Variants in HCN1 observed in about 807,000 individuals in gnomAD.
HCN1 encodes hyperpolarization activated cyclic nucleotide gated potassium channel 1.
In HCN1, 13 loss-of-function variants were observed where a neutral mutation model predicts 78.9. The ratio of observed to expected loss-of-function variants is 0.16; its 90% confidence interval spans 0.11 to 0.26. The LOEUF (loss-of-function observed/expected upper bound fraction) is 0.26. Ranked by LOEUF, HCN1 falls within the 10% of genes least tolerant of loss-of-function variation. The probability of loss-of-function intolerance (pLI) is 1.00; values close to 1 mark genes in which losing one functional copy is unlikely to be tolerated. For missense variants in HCN1, 810 were observed against 1,154.3 expected, an observed-to-expected ratio of 0.70 and a Z score of 4.32; for synonymous variants, 552 against 455.5, an observed-to-expected ratio of 1.21 and a Z score of -2.70.
At chr5:45,643,269 T>A (rs1372249546) in intron 2 of HCN1, 2 of 152,102 alleles carry the variant, frequency 1.3e-5, no homozygotes, top group African/African-American at 2.4e-5. Flanking sequence ...CATCTGTTCA[T>A]CCTGCTGCCA....
At chr5:45,304,601 G>A (rs1205213469) in intron 5 of HCN1, among the ~76,000 whole-genome samples, 1 of 152,046 alleles carries the variant, frequency 6.6e-6, no homozygotes, top group Non-Finnish European at 1.5e-5. Context: ...CTTGAACCCA[G>A]GAGGCGGAGA....
At chr5:45,534,896 A>T (rs1742936452) in intron 2 of HCN1, among the ~76,000 whole-genome samples, 1 of 152,212 alleles carries the variant, frequency 6.6e-6, no homozygotes. Flanking sequence ...TAAAATTAAA[A>T]ATGTGAAAAA....
intron 3 of HCN1, among the ~76,000 whole-genome samples, chr5:45,405,332 T>C (rs1362994751): frequency 6.6e-6 from 1 of 152,172 alleles, no homozygotes; most frequent in African/African-American, 2.4e-5. Context: ...TTATTATCTG[T>C]AAACAGTTGG....
At chr5:45,682,214 A>G (rs1229061873) in intron 1 of HCN1, among the ~76,000 whole-genome samples, 1 of 149,364 alleles carries the variant, frequency 6.7e-6, no homozygotes, top group Non-Finnish European at 1.5e-5. Flanking sequence ...AGTCTATGGT[A>G]TTTTCTTATA....
chr5:45,383,200 A>G (rs1230279689), intron 4 of HCN1, among the ~76,000 whole-genome samples: 2 of 152,148 alleles, frequency 1.3e-5, no homozygotes, highest in Non-Finnish European at 2.9e-5. Flanking sequence ...TACTATACCA[A>G]TTGATTAAAG....
chr5:45,294,255 A>T (rs1223998482), intron 6 of HCN1, among the ~76,000 whole-genome samples: 1 of 152,028 alleles, frequency 6.6e-6, no homozygotes, highest in Non-Finnish European at 1.5e-5. Context: ...GTGTCTCTAA[A>T]TTTAAAAATG....
chr5:45,556,302 C>A (rs1743468302), intron 2 of HCN1, among the ~76,000 whole-genome samples: 1 of 151,844 alleles, frequency 6.6e-6, no homozygotes. Context: ...CTATCCTTCA[C>A]CTGTTTATTA....
intron 3 of HCN1, among the ~76,000 whole-genome samples, chr5:45,450,823 G>A (rs1740901038): frequency 6.6e-6 from 1 of 152,110 alleles, no homozygotes; most frequent in Admixed American, 6.5e-5. Context: ...TTATGATAAA[G>A]GTTATAAGTT....
At chr5:45,394,149 T>A (rs1279158696) in intron 4 of HCN1, among the ~76,000 whole-genome samples, 1 of 152,118 alleles carries the variant, frequency 6.6e-6, no homozygotes, top group Non-Finnish European at 1.5e-5. Context: ...GAGACATGGA[T>A]CTGGACTCTG....
At chr5:45,346,039 T>C (rs1045691090) in intron 5 of HCN1, among the ~76,000 whole-genome samples, 1 of 152,216 alleles carries the variant, frequency 6.6e-6, no homozygotes, top group African/African-American at 2.4e-5. Context: ...AAACACGTCC[T>C]TCTTTGCTTG....
At chr5:45,314,168 G>A (rs1411415434) in intron 5 of HCN1, among the ~76,000 whole-genome samples, 3 of 152,156 alleles carry the variant, frequency 2.0e-5, no homozygotes, top group Admixed American at 6.5e-5. Flanking sequence ...GAATCTCTCG[G>A]CAGAAACTCT....
intron 6 of HCN1, among the ~76,000 whole-genome samples, chr5:45,274,666 T>C (rs867335915): frequency 6.6e-6 from 1 of 152,216 alleles, no homozygotes; most frequent in Non-Finnish European, 1.5e-5. Flanking sequence ...ACACATCAAG[T>C]AGCTCTCCAA....
intron 2 of HCN1, among the ~76,000 whole-genome samples, chr5:45,477,001 C>A (rs1483306): frequency 0.25 from 37,972 of 151,908 alleles, 4,923 homozygotes; most frequent in East Asian, 0.32. Context: ...ATATTATTCC[C>A]AAGATACATT....
At chr5:45,421,575 A>C (rs981574445) in intron 3 of HCN1, among the ~76,000 whole-genome samples, 2 of 152,188 alleles carry the variant, frequency 1.3e-5, no homozygotes, top group Non-Finnish European at 2.9e-5. Flanking sequence ...AAAAACCAAG[A>C]AACAGAAACC....
intron 2 of HCN1, among the ~76,000 whole-genome samples, chr5:45,580,114 A>G (rs193004825): frequency 3.7e-4 from 57 of 152,186 alleles, no homozygotes; most frequent in Admixed American, 1.4e-3. Flanking sequence ...AAAGGTTCCT[A>G]TGTCCTACTC....
At chr5:45,470,839 T>G (rs1271732696) in intron 2 of HCN1, among the ~76,000 whole-genome samples, 1 of 151,956 alleles carries the variant, frequency 6.6e-6, no homozygotes, top group Non-Finnish European at 1.5e-5. Flanking sequence ...ACCCTTAACT[T>G]TTCTAGAGAC....
At chr5:45,371,608 T>C (rs908776117) in intron 4 of HCN1, among the ~76,000 whole-genome samples, 13 of 150,568 alleles carry the variant, frequency 8.6e-5, no homozygotes, top group Admixed American at 6.7e-4. Context: ...AACATAAAAA[T>C]TGGCTGGGCT....
intron 2 of HCN1, among the ~76,000 whole-genome samples, chr5:45,608,357 A>ATGTGTGTGTGTGTGTG (rs397970171): frequency 7.8e-5 from 11 of 140,512 alleles, no homozygotes; most frequent in Admixed American, 2.1e-4. Context: ...GGATGGGTGT[A>ATGTGTGTGTGTGTGTG]TGTGTGTGTG....
At chr5:45,640,998 A>G (rs1244785114) in intron 2 of HCN1, among the ~76,000 whole-genome samples, 2 of 152,128 alleles carry the variant, frequency 1.3e-5, no homozygotes, top group South Asian at 2.1e-4. Flanking sequence ...ATGAAGTGAC[A>G]ATGGTGAGAC....
Sources: allele counts gnomAD v4.1 joint callset (sites outside exome capture counted in the v4.1 genomes callset), GRCh38; gene constraint gnomAD v4.1.1; transcripts MANE v1.5; gene names NCBI Gene and HGNC (gene_info 2026-07-23, HGNC 2026-07-21).